MDH1: variants seen among roughly 807,000 people sequenced by gnomAD.
The protein encoded by MDH1 is malate dehydrogenase, cytoplasmic.
A neutral mutation model predicts 38.7 loss-of-function variants in MDH1; 15 were observed. The observed-to-expected ratio is 0.39, with a 90% confidence interval of 0.26 to 0.60. The LOEUF (loss-of-function observed/expected upper bound fraction) is 0.60, where lower values mean the gene tolerates loss of function less well. Ranked by LOEUF, MDH1 falls within the 20% of genes least tolerant of loss-of-function variation. The pLI is 0.56. For synonymous variants in MDH1, 144 were observed against 143.6 expected (o/e 1.00, Z -0.02); for missense variants, 368 against 405.2 (o/e 0.91, Z 0.79).
intron 7 of MDH1, 53 bp downstream of exon 7, chr2:63,605,446 T>C (rs1269450227): frequency 1.6e-6 from 2 of 1,249,430 alleles, no homozygotes; most frequent in South Asian, 2.4e-5. Flanking sequence ...TGTTGCCTGA[T>C]GATATAATAT....
chr2:63,589,646 T>A (rs1709121979), intron 1 of MDH1, among the ~76,000 whole-genome samples: 1 of 152,226 alleles, frequency 6.6e-6, no homozygotes, highest in Non-Finnish European at 1.5e-5. Flanking sequence ...ACTAACTAAA[T>A]AACTACTGCA....
chr2:63,602,679 C>A (rs1003647438), intron 5 of MDH1, among the ~76,000 whole-genome samples: 15 of 152,102 alleles, frequency 9.9e-5, no homozygotes, highest in African/African-American at 3.6e-4. Flanking sequence ...CCTTCATACT[C>A]TCCCTTATGG....
chr2:63,601,889 G>C (rs1226564427), intron 5 of MDH1, among the ~76,000 whole-genome samples: 1 of 152,160 alleles, frequency 6.6e-6, no homozygotes, highest in African/African-American at 2.4e-5. Context: ...TACCATACCA[G>C]CTAAATTTAA....
intron 5 of MDH1, among the ~76,000 whole-genome samples, chr2:63,601,302 T>C (rs1160324621): frequency 6.6e-6 from 1 of 152,186 alleles, no homozygotes; most frequent in Non-Finnish European, 1.5e-5. Flanking sequence ...TTGCTAGATA[T>C]TTTTGTCTTG....
Position 63,597,405 on chromosome 2 carries a change from T to C in MDH1, c.206T>C (p.Ile69Thr). Residue 69 changes from isoleucine (I) to threonine (T), a missense_variant, in exon 4 of 9, where the codon ATC (isoleucine) becomes ACC (threonine). By Grantham distance (89) the Ile-to-Thr change is moderately conservative. Transcript: ENST00000233114. ...TTTATTGCCATGTCCACAGATGTCA[T>C]CGCAACAGATAAAGAAGACGTTGCC... ...DCALPLLKDV[I>T]ATDKEDVAFK... 3 of 1,428,794 alleles carry C rather than the reference T, an allele frequency of 2.1e-6. No individual in the cohort carries two copies. The highest frequency in any genetic ancestry group is 2.8e-6 in the Non-Finnish European group (3 of 1,080,786). The allele number at this position is 1,428,794 out of a possible 1,614,324, so 88.5% of individuals were successfully genotyped here.
chr2:63,591,920 AT>A (rs1709208295), intron 1 of MDH1, among the ~76,000 whole-genome samples: 1 of 152,182 alleles, frequency 6.6e-6, no homozygotes, highest in South Asian at 2.1e-4. Flanking sequence ...TATTATCTCC[AT>A]TTTACTATGG....
At chr2:63,593,980 C>G in intron 1 of MDH1, among the ~76,000 whole-genome samples, 1 of 152,130 alleles carries the variant, frequency 6.6e-6, no homozygotes, top group Non-Finnish European at 1.5e-5. Context: ...TGTTGTTTCT[C>G]CCGAAATAAA....
In MDH1 at chr2:63,605,343, G is replaced by T; in HGVS notation, c.739G>T (p.Ala247Ser). 2 of 1,614,210 alleles carry T rather than the reference G, an allele frequency of 1.2e-6. No individual in the cohort carries two copies. The highest frequency in any genetic ancestry group is 1.3e-5 in the African/African-American group (1 of 75,054). ...ARKLSSAMSA[A>S]KAICDHVRDI... Reference sequence around the variant, plus strand: ...AAAACTATCCAGTGCCATGTCTGCTGCAAAAGCCATCTGTGACCACGTCAG... The same window carrying T: ...AAAACTATCCAGTGCCATGTCTGCTTCAAAAGCCATCTGTGACCACGTCAG... Residue 247 changes from alanine to serine, a missense_variant, in exon 7 of 9, where the codon GCA becomes TCA. By Grantham distance (99) the Ala-to-Ser change is moderately conservative. Coordinates refer to ENST00000233114, the MANE Select transcript of MDH1 (RefSeq NM_005917.4).
intron 5 of MDH1, among the ~76,000 whole-genome samples, chr2:63,602,934 CTTTTTTTTTTTT>C (rs370479356): frequency 7.6e-6 from 1 of 131,624 alleles, no homozygotes; most frequent in African/African-American, 2.7e-5. Flanking sequence ...TTTAACCGTT[CTTTTTTTTTTTT>C]TTTTTTTTTT....
chr2:63,589,175 G>C, intron 1 of MDH1, 129 bp downstream of exon 1: 1 of 1,609,378 alleles, frequency 6.2e-7, no homozygotes, highest in Non-Finnish European at 8.5e-7. Context: ...GGCAAGCTCG[G>C]ACTCATCTTC....
Position 63,607,096 on chromosome 2 carries a change from A to T in MDH1, c.*109A>T. The T allele has an allele frequency of 8.7e-7, 1 of 1,149,216 alleles. No individual in the cohort carries two copies. The highest frequency in any genetic ancestry group is 1.2e-6 in the Non-Finnish European group (1 of 831,102). The allele number at this position is 1,149,216 out of a possible 1,614,324, so 71.2% of individuals were successfully genotyped here. ...ATACTTAAATTACTTGTGAAAAACA[A>T]CACATTTTAAAGATTACGTGCTTCT... On this transcript the variant is annotated 3_prime_UTR_variant, in exon 9 of 9. Coordinates refer to ENST00000233114, the MANE Select transcript of MDH1 (RefSeq NM_005917.4).
chr2:63,600,952 A>C (rs1002239752), intron 5 of MDH1, among the ~76,000 whole-genome samples: 1 of 152,170 alleles, frequency 6.6e-6, no homozygotes, highest in African/African-American at 2.4e-5. Flanking sequence ...TTGTTGTTTC[A>C]CCTGAGGCTT....
chr2:63,606,021 T>C lies in MDH1; in HGVS notation c.872T>C (p.Val291Ala), dbSNP rs200824196. 3.9e-5 allele frequency: 63 copies of C among 1,613,446 alleles called. No individual in the cohort carries two copies. The highest frequency in any genetic ancestry group is 5.0e-5 in the Non-Finnish European group (59 of 1,179,442). Residue 291 changes from valine to alanine, a missense_variant, in exon 8 of 9, where the codon GTA becomes GCA. Val to Ala is a moderately conservative substitution (Grantham distance 64). Transcript: ENST00000233114. ...PDDLLYSFPV[V>A]IKNKTWKFVE... The stretch of plus-strand genomic sequence containing the variant: ...GATCTGCTCTACTCATTCCCTGTTG[T>C]AATCAAGGTAAGGTATTTTGGAGCT...
At chr2:63,600,235 T>C (rs1050901896) in intron 5 of MDH1, among the ~76,000 whole-genome samples, 4 of 152,248 alleles carry the variant, frequency 2.6e-5, no homozygotes, top group African/African-American at 4.8e-5. Flanking sequence ...TATACATTTG[T>C]TAAGCATCTA....
intron 8 of MDH1, 31 bp from the exon 9 acceptor site, chr2:63,606,831 T>C (rs1427644057): frequency 7.0e-6 from 11 of 1,572,398 alleles, no homozygotes; most frequent in African/African-American, 1.4e-5. Flanking sequence ...AGTTCCAGTT[T>C]AAATCTCTTA....
chr2:63,604,548 T>G, intron 5 of MDH1, 148 bp from the exon 6 acceptor site: 1 of 669,066 alleles, frequency 1.5e-6, no homozygotes, highest in Admixed American at 3.1e-5. Context: ...GCAATAAATT[T>G]ACATTTTTTA....
chr2:63,594,658 G>A, intron 2 of MDH1, 72 bp downstream of exon 2: 1 of 1,087,586 alleles, frequency 9.2e-7, no homozygotes, highest in Non-Finnish European at 1.4e-6. Flanking sequence ...GTATTTAGTT[G>A]TACACAAATT....
At chr2:63,591,704 C>T (rs922776932) in intron 1 of MDH1, among the ~76,000 whole-genome samples, 4 of 152,186 alleles carry the variant, frequency 2.6e-5, no homozygotes, top group African/African-American at 9.7e-5. Flanking sequence ...AATGCAAATC[C>T]ATATCAAAGA....
intron 7 of MDH1, 28 bp from the exon 8 acceptor site, chr2:63,605,911 T>G: frequency 1.8e-4 from 280 of 1,564,396 alleles, no homozygotes; most frequent in Non-Finnish European, 2.2e-4. Flanking sequence ...CTAATCATCA[T>G]GAGTATGTGA....
Sources: allele counts gnomAD v4.1 joint callset (sites outside exome capture counted in the v4.1 genomes callset), GRCh38; gene constraint gnomAD v4.1.1; transcripts MANE v1.5; gene names NCBI Gene and HGNC (gene_info 2026-07-23, HGNC 2026-07-21).